The following PCYT1B variants were observed in gnomAD, a reference collection of about 807,000 sequenced individuals.
PCYT1B encodes choline-phosphate cytidylyltransferase B.
A neutral mutation model predicts 26.4 loss-of-function variants in PCYT1B; 10 were observed. The observed-to-expected ratio is 0.38, with a 90% confidence interval of 0.23 to 0.64. The LOEUF (loss-of-function observed/expected upper bound fraction) is 0.64. PCYT1B is among the 30% of genes least tolerant of loss of function. The pLI is 0.56. For missense variants in PCYT1B, 161 were observed against 292.7 expected, an observed-to-expected ratio of 0.55 and a Z score of 3.28; for synonymous variants, 131 against 108.4, an observed-to-expected ratio of 1.21 and a Z score of -1.29.
At chrX:24,601,231 G>A (rs1266590216) in intron 3 of PCYT1B, among the ~76,000 whole-genome samples, 1 of 112,234 alleles carries the variant, frequency 8.9e-6, no homozygotes, top group Non-Finnish European at 1.9e-5. Context: ...GATGGCTCAC[G>A]CCTGTAGTCC....
upstream of PCYT1B, among the ~76,000 whole-genome samples, chrX:24,651,463 AAAAAAAAAAATATATAT>A (rs1358385701): frequency 3.6e-5 from 1 of 27,929 alleles, no homozygotes; most frequent in African/African-American, 1.2e-4. Context: ...TCAAAAAAAA[AAAAAAAAAAATATATAT>A]ATATATATAT....
intron 5 of PCYT1B, among the ~76,000 whole-genome samples, chrX:24,581,832 A>T (rs1030942449): frequency 1.8e-5 from 2 of 112,316 alleles, no homozygotes; most frequent in African/African-American, 6.5e-5. Context: ...AGCCCCAATG[A>T]GGGTGTCTCT....
At chrX:24,563,046 C>T (rs778675791) in intron 7 of PCYT1B, among the ~76,000 whole-genome samples, 61 of 111,664 alleles carry the variant, frequency 5.5e-4, no homozygotes, top group African/African-American at 2.0e-3. Flanking sequence ...TCTTAACACT[C>T]TTTCCTTCTT....
chrX:24,570,129 G>A lies in PCYT1B; in HGVS notation c.897+5001C>T, dbSNP rs778746690. On this transcript the variant is annotated intron_variant, in intron 7 of 7. Coordinates refer to ENST00000379144, the MANE Select transcript of PCYT1B (RefSeq NM_004845.5). ...TTGAACCTGGGAGGTGGAGGTTGCA[G>A]TGAGCTGAGATCACACCATCGCACT... Among the ~76,000 whole-genome samples, 369 of 101,289 alleles carry A rather than the reference G, an allele frequency of 3.6e-3. 1 individual carries two copies. The highest frequency in any genetic ancestry group is 0.015 in the Middle Eastern group (3 of 197). The allele number at this position is 101,289 out of a possible 115,157, so 88.0% of individuals were successfully genotyped here. A position where few individuals can be genotyped will look rare whatever the true frequency, so the allele number is the denominator to read the frequency against.
chrX:24,561,735 T>C lies in PCYT1B; in HGVS notation c.*558A>G. Reference sequence around the variant, plus strand: ...AGGCTTTGTCTATGAGCCACATTCATGGAACTGGAAGGAGCTGATGCGTTC... The same window carrying C: ...AGGCTTTGTCTATGAGCCACATTCACGGAACTGGAAGGAGCTGATGCGTTC... On this transcript the variant is annotated 3_prime_UTR_variant, in exon 8 of 8. Transcript: ENST00000379144. 9.0e-6 allele frequency: 2 copies of C among 222,472 alleles called. No homozygotes were observed. The highest frequency in any genetic ancestry group is 1.6e-5 in the Non-Finnish European group (2 of 122,379). The allele number at this position is 222,472 out of a possible 1,213,427, so 18.3% of individuals were successfully genotyped here. A position where few individuals can be genotyped will look rare whatever the true frequency, so the allele number is the denominator to read the frequency against.
intron 1 of PCYT1B, among the ~76,000 whole-genome samples, chrX:24,629,582 AAAAAAAAAC>A (rs1318332881): frequency 1.4e-4 from 14 of 100,081 alleles, no homozygotes; most frequent in East Asian, 9.1e-4. Flanking sequence ...AAAAAAAAAA[AAAAAAAAAC>A]AACACGTATT....
intron 1 of PCYT1B, among the ~76,000 whole-genome samples, chrX:24,638,206 G>T (rs1391714470): frequency 1.8e-5 from 2 of 111,970 alleles, no homozygotes; most frequent in African/African-American, 6.5e-5. Flanking sequence ...CAAAGATTTT[G>T]GCGGGAGGGA....
intron 1 of PCYT1B, among the ~76,000 whole-genome samples, chrX:24,630,355 G>A (rs188332166): frequency 0.02 from 2,192 of 111,520 alleles, 20 homozygotes; most frequent in Non-Finnish European, 0.033. Context: ...GAGTGCAGTG[G>A]CGCGATCTCA....
chrX:24,669,314 C>T (rs1304810385), intron 1 of PCYT1B, among the ~76,000 whole-genome samples: 4 of 109,304 alleles, frequency 3.7e-5, no homozygotes, highest in Admixed American at 2.0e-4. Context: ...GTCAGGAGTT[C>T]GAGACCAGCC....
chrX:24,562,263 C>A lies in PCYT1B; in HGVS notation c.*30G>T. ...GACTCTCGCCCTCCTCCCCATCCTG[C>A]ATGGTGCGGCTCTTGCCTCCCAGCA... On this transcript the variant is annotated 3_prime_UTR_variant, in exon 8 of 8. Coordinates refer to ENST00000379144, the MANE Select transcript of PCYT1B (RefSeq NM_004845.5). 8.6e-7 allele frequency: 1 copy of A among 1,160,723 alleles called. No homozygotes were observed. The highest frequency in any genetic ancestry group is 1.2e-6 in the Non-Finnish European group (1 of 868,508).
chrX:24,645,351 TG>T (rs967926119), intron 1 of PCYT1B, among the ~76,000 whole-genome samples: 5 of 109,474 alleles, frequency 4.6e-5, no homozygotes, highest in African/African-American at 1.7e-4. Flanking sequence ...TACATATGTG[TG>T]TATATATGTA....
Position 24,617,228 on chromosome X carries a change from T to G in PCYT1B, c.217+1757A>C, listed in dbSNP as rs771913457. ...TTCCTCATCTGTGAAATACTAAAAC[T>G]ACTAATCACATAGAGTTGTGATAGT... is the stretch of plus-strand genomic sequence containing the variant. On this transcript the variant is annotated intron_variant, in intron 2 of 7. Transcript: ENST00000379144. Among the ~76,000 whole-genome samples the G allele has an allele frequency of 5.4e-5, 6 of 111,478 alleles. No homozygotes were observed. In the South Asian group the frequency reaches 1.9e-3, roughly 35 times the overall value.
intron 1 of PCYT1B, among the ~76,000 whole-genome samples, chrX:24,659,885 A>G (rs1926993468): frequency 8.9e-6 from 1 of 111,831 alleles, no homozygotes; most frequent in African/African-American, 3.2e-5. Context: ...ACACTGTTGC[A>G]TTGGGGATTA....
chrX:24,665,004 G>A (rs1927099083), intron 1 of PCYT1B, among the ~76,000 whole-genome samples: 1 of 111,288 alleles, frequency 9.0e-6, no homozygotes, highest in South Asian at 3.8e-4. Flanking sequence ...GTAAGGGCAA[G>A]ACAACTGTAA....
chrX:24,569,462 T>C (rs371315461), intron 7 of PCYT1B, among the ~76,000 whole-genome samples: 2 of 111,835 alleles, frequency 1.8e-5, no homozygotes, highest in Non-Finnish European at 3.8e-5. Flanking sequence ...CCCAAAAGAA[T>C]TGAAAGCAGA....
chrX:24,650,727 GC>G (rs755716947), upstream of PCYT1B, among the ~76,000 whole-genome samples: 41 of 112,307 alleles, frequency 3.7e-4, no homozygotes, highest in African/African-American at 1.2e-3. Context: ...TATGCTAACA[GC>G]CTTTAGAATA....
chrX:24,657,178 G>A lies in PCYT1B; in HGVS notation c.63+15392C>T, dbSNP rs753990685. On this transcript the variant is annotated intron_variant, in intron 1 of 7. Coordinates refer to the PCYT1B transcript ENST00000379145. Reference sequence around the variant, plus strand: ...TTGTCTAATTAATATCTAATCATCCGTTTACAAGTAATAATCACACATGTA... The same window carrying A: ...TTGTCTAATTAATATCTAATCATCCATTTACAAGTAATAATCACACATGTA... Among the ~76,000 whole-genome samples the A allele has an allele frequency of 1.6e-4, 18 of 111,310 alleles. No homozygotes were observed. The East Asian group carries it at 2.0e-3, about 12-fold the overall frequency.
chrX:24,601,493 GAA>G (rs770641178), intron 3 of PCYT1B, among the ~76,000 whole-genome samples: 15 of 55,134 alleles, frequency 2.7e-4, no homozygotes, highest in African/African-American at 4.7e-4. Flanking sequence ...ACTCTTTCTC[GAA>G]AAAAAAAAAA....
At chrX:24,634,470 G>T (rs929373698) in intron 1 of PCYT1B, among the ~76,000 whole-genome samples, 1 of 111,888 alleles carries the variant, frequency 8.9e-6, no homozygotes, top group Non-Finnish European at 1.9e-5. Context: ...CCTGCAGGCC[G>T]TGCGCGGTGG....
Sources: gnomAD v4.1 joint callset for allele counts (sites outside exome capture counted in the v4.1 genomes callset) on GRCh38, gnomAD v4.1.1 for gene constraint, MANE v1.5 for transcripts, NCBI Gene and HGNC (gene_info 2026-07-23, HGNC 2026-07-21) for gene names.